Variants in FSHR observed in about 807,000 individuals in gnomAD.
FSHR encodes follicle-stimulating hormone receptor.
A neutral mutation model predicts 52.1 loss-of-function variants in FSHR; 46 were observed. The observed-to-expected ratio is 0.88, with a 90% CI of 0.70 to 1.13. FSHR has a LOEUF of 1.13. FSHR is among the 50% of genes most tolerant of loss of function. The pLI is 0.00. For synonymous variants in FSHR, 399 were observed against 309.6 expected, an observed-to-expected ratio of 1.29 and a Z score of -3.03; for missense variants, 964 against 834.6, an observed-to-expected ratio of 1.16 and a Z score of -1.91.
rs1046145061 is a variant in FSHR, at chr2:48,997,115, G to A, written c.375-6478C>T. 1.1e-5 allele frequency: 6 copies of A among 559,776 alleles called. No individual in the cohort carries two copies. In the African/African-American group the frequency reaches 1.2e-4, roughly 11 times the overall value. 34.7% of individuals were successfully genotyped at this position (559,776 alleles called of 1,614,324 possible). The stretch of plus-strand genomic sequence containing the variant: ...GTATGAAAAAGGTCTTCAACTTAAG[G>A]TTTAGAGACCCTGGGTTCCAGTGGT... On this transcript the variant is annotated intron_variant, in intron 4 of 9. Coordinates refer to ENST00000406846, the MANE Select transcript of FSHR (RefSeq NM_000145.4).
chr2:49,071,865 T>C (rs1669745336), intron 1 of FSHR, among the ~76,000 whole-genome samples: 1 of 152,046 alleles, frequency 6.6e-6, no homozygotes, highest in Admixed American at 6.6e-5. Flanking sequence ...TGAAAACTAA[T>C]AGAGTGGGAA....
At position 49,070,966 on chromosome 2, in the gene FSHR, A is replaced by T. The variant is rs568432202; in HGVS notation, c.153-2676T>A. On this transcript the variant is annotated intron_variant, in intron 1 of 9. Transcript: ENST00000406846. ...CCCTGAGCAGTGGTGAATGCAAACC[A>T]GAATTCTAAGAGGGTAAACTAAAAC... Among the ~76,000 whole-genome samples the T allele has an allele frequency of 1.1e-4, 16 of 152,274 alleles. No homozygotes were observed. The South Asian group carries it at 3.1e-3, about 30-fold the overall frequency.
chr2:49,110,154 C>T (rs1671372759), intron 1 of FSHR, among the ~76,000 whole-genome samples: 1 of 152,192 alleles, frequency 6.6e-6, no homozygotes, highest in Non-Finnish European at 1.5e-5. Flanking sequence ...CAACAGCCAA[C>T]ATTAACATGG....
At chr2:49,079,824 C>A (rs566145865) in intron 1 of FSHR, among the ~76,000 whole-genome samples, 95 of 151,882 alleles carry the variant, frequency 6.3e-4, no homozygotes, top group Non-Finnish European at 1.2e-3. Flanking sequence ...TTTAAAAAAA[C>A]ACACAAAAAT....
chr2:49,141,813 G>T (rs71407553), intron 1 of FSHR, among the ~76,000 whole-genome samples: 2 of 152,098 alleles, frequency 1.3e-5, no homozygotes, highest in African/African-American at 4.8e-5. Flanking sequence ...AGTAAAAAGA[G>T]GCCCACTGTG....
At chr2:49,118,419 A>G (rs531940975) in intron 1 of FSHR, among the ~76,000 whole-genome samples, 3 of 152,276 alleles carry the variant, frequency 2.0e-5, no homozygotes, top group Admixed American at 2.0e-4. Flanking sequence ...CTTGAGAAAC[A>G]GTGGCTTTTG....
intron 2 of FSHR, among the ~76,000 whole-genome samples, chr2:49,040,496 ACT>A (rs759781005): frequency 1.8e-4 from 28 of 152,292 alleles, no homozygotes; most frequent in Non-Finnish European, 3.8e-4. Flanking sequence ...AAGGCAAGGA[ACT>A]CTGTCTGTTT....
At chr2:48,986,444 A>G (rs1675520492) in intron 6 of FSHR, among the ~76,000 whole-genome samples, 1 of 150,428 alleles carries the variant, frequency 6.6e-6, no homozygotes, top group Non-Finnish European at 1.5e-5. Context: ...ATGGGAAGAA[A>G]ACACCCCTGC....
At chr2:49,086,325 A>G (rs896421797) in intron 1 of FSHR, among the ~76,000 whole-genome samples, 3 of 152,156 alleles carry the variant, frequency 2.0e-5, no homozygotes, top group Admixed American at 2.0e-4. Flanking sequence ...TTCAAGACAG[A>G]AAAGATGTAG....
intron 2 of FSHR, among the ~76,000 whole-genome samples, chr2:49,029,923 G>A (rs530524036): frequency 6.6e-5 from 10 of 152,340 alleles, no homozygotes; most frequent in African/African-American, 2.4e-4. Flanking sequence ...AAGGCAGCCA[G>A]CCTCATCCTT....
chr2:49,140,196 G>A (rs1672629007), intron 1 of FSHR, among the ~76,000 whole-genome samples: 1 of 152,082 alleles, frequency 6.6e-6, no homozygotes, highest in African/African-American at 2.4e-5. Flanking sequence ...AGGTGTTTGG[G>A]TCATGGGGGT....
At chr2:49,049,066 T>TA (rs570731084) in intron 2 of FSHR, among the ~76,000 whole-genome samples, 49 of 147,894 alleles carry the variant, frequency 3.3e-4, no homozygotes, top group South Asian at 1.7e-3. Context: ...CACCATCTAT[T>TA]AAAAAAAAAA....
intron 2 of FSHR, among the ~76,000 whole-genome samples, chr2:49,031,674 T>A (rs749242565): frequency 1.3e-5 from 2 of 152,114 alleles, no homozygotes; most frequent in African/African-American, 2.4e-5. Flanking sequence ...GAAGGAGGTA[T>A]CTAGGTTATC....
chr2:49,055,573 G>T (rs1243117202), intron 2 of FSHR, among the ~76,000 whole-genome samples: 1 of 124,962 alleles, frequency 8.0e-6, no homozygotes, highest in Non-Finnish European at 1.7e-5. Flanking sequence ...ACCCAAATAG[G>T]GTCAATCCCA....
At chr2:49,142,706 G>A (rs572722448) in intron 1 of FSHR, among the ~76,000 whole-genome samples, 1 of 152,300 alleles carries the variant, frequency 6.6e-6, no homozygotes, top group East Asian at 1.9e-4. Context: ...ACAAGGAAAT[G>A]GAAAAGGTAG....
intron 1 of FSHR, among the ~76,000 whole-genome samples, chr2:49,075,432 AT>A (rs1393951356): frequency 6.8e-6 from 1 of 148,136 alleles, no homozygotes; most frequent in Non-Finnish European, 1.5e-5. Context: ...TTCATTAAAA[AT>A]AACAATAAAC....
At chr2:48,989,298 T>A (rs1159751395) in intron 5 of FSHR, among the ~76,000 whole-genome samples, 17 of 111,676 alleles carry the variant, frequency 1.5e-4, no homozygotes, top group African/African-American at 5.8e-4. Flanking sequence ...TTTTTTTTTT[T>A]AAGACAGGTT....
chr2:49,057,676 T>G (rs1184087304), intron 2 of FSHR, among the ~76,000 whole-genome samples: 1 of 152,170 alleles, frequency 6.6e-6, no homozygotes, highest in Non-Finnish European at 1.5e-5. Flanking sequence ...TAACTCATTC[T>G]CATAGGCCAG....
intron 2 of FSHR, among the ~76,000 whole-genome samples, chr2:49,021,570 G>T (rs1314565850): frequency 6.6e-6 from 1 of 151,556 alleles, no homozygotes; most frequent in African/African-American, 2.4e-5. Flanking sequence ...AAGGCCCCTG[G>T]GGGAGGGGAA....
Sources: gnomAD v4.1 joint callset for allele counts (sites outside exome capture counted in the v4.1 genomes callset) on GRCh38, gnomAD v4.1.1 for gene constraint, MANE v1.5 for transcripts, NCBI Gene and HGNC (gene_info 2026-07-23, HGNC 2026-07-21) for gene names.